Variants in ADAMTSL1 observed in about 807,000 individuals in gnomAD.
ADAMTSL1 encodes the protein ADAMTS like 1.
Under a neutral mutation model 201.8 loss-of-function variants are expected in ADAMTSL1, and 126 were observed. That is an observed-to-expected ratio of 0.62 (90% confidence interval 0.54 to 0.72). The LOEUF is 0.72. Ranked by LOEUF, ADAMTSL1 falls within the 30% of genes least tolerant of loss-of-function variation. ADAMTSL1 has a pLI of 0.00. For missense variants in ADAMTSL1, 2,679 were observed against 2,277.8 expected, an observed-to-expected ratio of 1.18 and a Z score of -3.59; for synonymous variants, 1,121 against 903.4, an observed-to-expected ratio of 1.24 and a Z score of -4.32.
At chr9:17,973,560 T>G (rs1818310363) in intron 1 of ADAMTSL1, among the ~76,000 whole-genome samples, 2 of 97,478 alleles carry the variant, frequency 2.1e-5, no homozygotes, top group African/African-American at 6.1e-5. Context: ...CTGTTTTGGT[T>G]ACTGTAGCCT....
At chr9:18,195,455 C>G (rs1046147254) in intron 2 of ADAMTSL1, among the ~76,000 whole-genome samples, 1 of 152,110 alleles carries the variant, frequency 6.6e-6, no homozygotes, top group Non-Finnish European at 1.5e-5. Context: ...GAGCTAGGGT[C>G]AAGGCTAAGT....
At chr9:18,204,141 T>C (rs1185601282) in intron 2 of ADAMTSL1, among the ~76,000 whole-genome samples, 1 of 152,160 alleles carries the variant, frequency 6.6e-6, no homozygotes, top group Non-Finnish European at 1.5e-5. Context: ...ATTTATTACT[T>C]AACCCTATGT....
At chr9:18,679,775 T>C (rs528139521) in intron 10 of ADAMTSL1, among the ~76,000 whole-genome samples, 32 of 152,290 alleles carry the variant, frequency 2.1e-4, no homozygotes, top group African/African-American at 7.0e-4. Flanking sequence ...AAGCTGATGA[T>C]TGCAGAAGCA....
At chr9:18,253,548 C>G (rs1163004059) in intron 2 of ADAMTSL1, among the ~76,000 whole-genome samples, 3 of 152,242 alleles carry the variant, frequency 2.0e-5, no homozygotes, top group African/African-American at 4.8e-5. Context: ...TTCCTAAACC[C>G]CAAGAACAGA....
intron 19 of ADAMTSL1, among the ~76,000 whole-genome samples, chr9:18,792,075 G>GAAAAAAAA (rs1822097997): frequency 6.8e-6 from 1 of 147,316 alleles, no homozygotes; most frequent in Admixed American, 6.6e-5. Flanking sequence ...GTAGTTGTAT[G>GAAAAAAAA]CAAAAAAAAA....
chr9:18,388,802 G>T (rs1209990542), intron 2 of ADAMTSL1, among the ~76,000 whole-genome samples: 1 of 151,506 alleles, frequency 6.6e-6, no homozygotes, highest in African/African-American at 2.4e-5. Flanking sequence ...TGTCACCCAG[G>T]CTGGAGTGCA....
At chr9:18,353,782 G>T (rs1188539822) in intron 2 of ADAMTSL1, among the ~76,000 whole-genome samples, 1 of 152,030 alleles carries the variant, frequency 6.6e-6, no homozygotes, top group Admixed American at 6.6e-5. Context: ...GTGGATGGGT[G>T]GGTGGATGAG....
At chr9:18,105,327 A>G (rs1824709712) in intron 1 of ADAMTSL1, among the ~76,000 whole-genome samples, 1 of 152,178 alleles carries the variant, frequency 6.6e-6, no homozygotes, top group Non-Finnish European at 1.5e-5. Context: ...ACAGCATTCT[A>G]AAGGAATAGC....
intron 2 of ADAMTSL1, among the ~76,000 whole-genome samples, chr9:18,317,023 T>C (rs1834426765): frequency 6.6e-6 from 1 of 152,194 alleles, no homozygotes; most frequent in Non-Finnish European, 1.5e-5. Flanking sequence ...TGGAATATAT[T>C]TACAAATGAA....
intron 16 of ADAMTSL1, among the ~76,000 whole-genome samples, chr9:18,760,563 A>C (rs1286602128): frequency 1.3e-5 from 2 of 152,204 alleles, no homozygotes; most frequent in Non-Finnish European, 2.9e-5. Flanking sequence ...TATTGTTTGG[A>C]ACTTACTGGC....
chr9:18,359,784 A>T (rs1206381769), intron 2 of ADAMTSL1, among the ~76,000 whole-genome samples: 1 of 150,148 alleles, frequency 6.7e-6, no homozygotes, highest in Non-Finnish European at 1.5e-5. Flanking sequence ...GCATTACCCT[A>T]GAAGTCCCCA....
At chr9:18,573,376 G>T (rs113234240) in intron 3 of ADAMTSL1, 88 of 155,236 alleles carry the variant, frequency 5.7e-4, no homozygotes, top group African/African-American at 1.9e-3. Context: ...CAATAACTCT[G>T]CACTGCATTG....
chr9:18,428,446 A>G (rs1434724797), intron 2 of ADAMTSL1, among the ~76,000 whole-genome samples: 4 of 150,822 alleles, frequency 2.7e-5, no homozygotes, highest in African/African-American at 9.7e-5. Context: ...AAAAAAAAAA[A>G]AAAAGAAAAG....
chr9:18,557,072 C>G (rs937849864), intron 3 of ADAMTSL1, among the ~76,000 whole-genome samples: 7 of 152,030 alleles, frequency 4.6e-5, no homozygotes, highest in Admixed American at 4.6e-4. Flanking sequence ...ATGGTTTTGT[C>G]CGTATGAACC....
At chr9:18,630,663 C>T (rs1826703573) in intron 5 of ADAMTSL1, among the ~76,000 whole-genome samples, 1 of 152,126 alleles carries the variant, frequency 6.6e-6, no homozygotes, top group Non-Finnish European at 1.5e-5. Context: ...GAATTGCTGC[C>T]CTTTTTTGCC....
chr9:17,990,235 T>C (rs1819096919), intron 1 of ADAMTSL1, among the ~76,000 whole-genome samples: 1 of 152,044 alleles, frequency 6.6e-6, no homozygotes, highest in Non-Finnish European at 1.5e-5. Flanking sequence ...AGCTTTCCTT[T>C]TATGTAGCAA....
intron 11 of ADAMTSL1, 106 bp from the exon 12 acceptor site, chr9:18,681,706 G>GGGT: frequency 1.8e-6 from 1 of 569,266 alleles, no homozygotes; most frequent in Admixed American, 3.8e-5. Context: ...GTGGGGGGGG[G>GGGT]GGGCGGGGAA....
intron 2 of ADAMTSL1, among the ~76,000 whole-genome samples, chr9:18,301,628 T>G (rs1421419628): frequency 6.6e-6 from 1 of 152,188 alleles, no homozygotes; most frequent in Non-Finnish European, 1.5e-5. Flanking sequence ...CTTATTGTAC[T>G]CTCCTCGCCT....
intron 1 of ADAMTSL1, among the ~76,000 whole-genome samples, chr9:17,946,078 G>A (rs1286567646): frequency 2.2e-5 from 2 of 92,982 alleles, no homozygotes; most frequent in South Asian, 2.7e-4. Context: ...GTGTGTGTGT[G>A]TGTGTGTGTG....
Sources: gnomAD v4.1 joint callset for allele counts (sites outside exome capture counted in the v4.1 genomes callset) on GRCh38, gnomAD v4.1.1 for gene constraint, MANE v1.5 for transcripts, NCBI Gene and HGNC (gene_info 2026-07-23, HGNC 2026-07-21) for gene names.